ASCC1: variants seen among roughly 807,000 people sequenced by gnomAD.
The protein encoded by ASCC1 is ASC-1 complex subunit P50.
In ASCC1, 35 loss-of-function variants were observed where a neutral mutation model predicts 46.6. The observed-to-expected ratio is 0.75, with a 90% CI of 0.57 to 0.99. The LOEUF (loss-of-function observed/expected upper bound fraction) is 0.99. ASCC1 is among the 50% of genes least tolerant of loss of function. ASCC1 has a pLI of 0.00. For synonymous variants in ASCC1, 143 were observed against 146.6 expected, an observed-to-expected ratio of 0.98 and a Z score of 0.18; for missense variants, 376 against 428.7, an observed-to-expected ratio of 0.88 and a Z score of 1.09.
chr10:72,147,338 C>T (rs1847762441), intron 7 of ASCC1, among the ~76,000 whole-genome samples: 1 of 152,092 alleles, frequency 6.6e-6, no homozygotes, highest in Admixed American at 6.6e-5. Flanking sequence ...ACTGCAACCT[C>T]TGCCTCCAGG....
intron 9 of ASCC1, among the ~76,000 whole-genome samples, chr10:72,100,546 G>GT (rs1416006662): frequency 6.6e-6 from 1 of 151,988 alleles, no homozygotes; most frequent in South Asian, 2.1e-4. Flanking sequence ...TTTATTCTTT[G>GT]TTTTTTTCCT....
intron 4 of ASCC1, among the ~76,000 whole-genome samples, chr10:72,202,158 C>T (rs962830155): frequency 1.3e-5 from 2 of 151,942 alleles, no homozygotes; most frequent in Admixed American, 1.3e-4. Flanking sequence ...GAGGTTGCTG[C>T]ACTCTTTGAC....
chr10:72,137,586 C>T (rs1846411257), intron 7 of ASCC1, among the ~76,000 whole-genome samples: 1 of 147,718 alleles, frequency 6.8e-6, no homozygotes, highest in Admixed American at 6.7e-5. Flanking sequence ...ACTAAAAGCA[C>T]GGAAACCAAT....
At chr10:72,199,219 G>A (rs1478038228) in intron 4 of ASCC1, among the ~76,000 whole-genome samples, 1 of 151,444 alleles carries the variant, frequency 6.6e-6, no homozygotes, top group Non-Finnish European at 1.5e-5. Flanking sequence ...CATCTCCCAG[G>A]TTCAAACAAT....
chr10:72,132,944 G>T lies in ASCC1; in HGVS notation c.871+113C>A, dbSNP rs929261854. On this transcript the variant is annotated intron_variant, in intron 8 of 9. Coordinates refer to ENST00000672957, the MANE Select transcript of ASCC1 (RefSeq NM_001198800.3). Reference sequence around the variant, plus strand: ...TATGCTCATCAGAATAAGCTAAGAGGTCTAAAAAAGAAGCTATATCAGAGA... The same window carrying T: ...TATGCTCATCAGAATAAGCTAAGAGTTCTAAAAAAGAAGCTATATCAGAGA... The T allele has an allele frequency of 3.0e-6, 4 of 1,352,378 alleles. No individual in the cohort carries two copies. In the African/African-American group the frequency reaches 4.3e-5, roughly 15 times the overall value. The allele number at this position is 1,352,378 out of a possible 1,614,324, so 83.8% of individuals were successfully genotyped here.
chr10:72,149,603 CTG>C (rs1263501608), intron 7 of ASCC1, among the ~76,000 whole-genome samples: 1 of 152,114 alleles, frequency 6.6e-6, no homozygotes, highest in Admixed American at 6.5e-5. Context: ...AATTATGAGA[CTG>C]TGAGACCAAA....
At chr10:72,204,455 AAAGTT>A in intron 3 of ASCC1, 1 of 1,550,410 alleles carries the variant, frequency 6.4e-7, no homozygotes, top group Non-Finnish European at 8.7e-7. Context: ...CTGACAATCC[AAAGTT>A]ATCTTCTGGA....
chr10:72,140,897 G>A (rs1201171892), intron 7 of ASCC1, among the ~76,000 whole-genome samples: 1 of 152,076 alleles, frequency 6.6e-6, no homozygotes, highest in East Asian at 1.9e-4. Context: ...TATTTTTAAT[G>A]TCCTCTTTCT....
chr10:72,187,443 G>A (rs567044322), intron 5 of ASCC1, among the ~76,000 whole-genome samples: 13 of 151,814 alleles, frequency 8.6e-5, no homozygotes, highest in African/African-American at 2.4e-4. Flanking sequence ...CTCTTAGGCC[G>A]GGCGCGGTGG....
At chr10:72,144,039 G>A (rs538942656) in intron 7 of ASCC1, among the ~76,000 whole-genome samples, 38 of 149,634 alleles carry the variant, frequency 2.5e-4, no homozygotes, top group Non-Finnish European at 4.4e-4. Flanking sequence ...TTGCCCACAC[G>A]TGATCTTGGC....
intron 5 of ASCC1, among the ~76,000 whole-genome samples, chr10:72,176,438 T>C (rs1388568582): frequency 6.6e-6 from 1 of 152,146 alleles, no homozygotes; most frequent in Non-Finnish European, 1.5e-5. Flanking sequence ...ATCTCTGGAC[T>C]CAAGCAATCC....
chr10:72,196,500 T>C (rs1424591938), intron 5 of ASCC1, among the ~76,000 whole-genome samples: 1 of 152,106 alleles, frequency 6.6e-6, no homozygotes, highest in Non-Finnish European at 1.5e-5. Context: ...CAGGCTGGTC[T>C]TGAACGCCTG....
chr10:72,120,706 T>G (rs1025735260), intron 9 of ASCC1, among the ~76,000 whole-genome samples: 3 of 152,020 alleles, frequency 2.0e-5, no homozygotes, highest in Admixed American at 6.6e-5. Context: ...TTTTCCTATA[T>G]AGAAGCCAAG....
At chr10:72,186,454 G>A (rs1044925908) in intron 5 of ASCC1, among the ~76,000 whole-genome samples, 2 of 152,054 alleles carry the variant, frequency 1.3e-5, no homozygotes, top group African/African-American at 4.8e-5. Context: ...GAGTTTCAGA[G>A]GAGCCAAAAG....
At position 72,152,959 on chromosome 10, in the gene ASCC1, A is replaced by G. The variant is rs1848541967; in HGVS notation, c.656T>C (p.Val219Ala). ...NDISGGKPLEVEMAGIEYMND... is the reference protein window; with the variant it reads ...NDISGGKPLEAEMAGIEYMND... ...CATGTATTCTATCCCTGCCATCTCC[A>G]CTTCTAGGGGTTTACCCCCAGAAAT... Residue 219 changes from valine to alanine, a missense_variant, in exon 7 of 10, where the codon GTG (valine) becomes GCG (alanine). Coordinates refer to ENST00000672957, the MANE Select transcript of ASCC1 (RefSeq NM_001198800.3). The G allele has an allele frequency of 9.9e-6, 16 of 1,614,012 alleles. No homozygotes were observed. Among genetic ancestry groups the G allele is most frequent in the Non-Finnish European group, 1.4e-5 (16 of 1,180,012 alleles).
intron 6 of ASCC1, chr10:72,158,856 T>C (rs1564666984): frequency 1.3e-5 from 2 of 152,196 alleles, no homozygotes; most frequent in Non-Finnish European, 2.9e-5. Context: ...TGCCATTATT[T>C]ATGGACATTT....
At chr10:72,146,214 A>G (rs1191546000) in intron 7 of ASCC1, among the ~76,000 whole-genome samples, 6 of 152,122 alleles carry the variant, frequency 3.9e-5, no homozygotes, top group Non-Finnish European at 8.8e-5. Flanking sequence ...GTGGATCTTA[A>G]TGGCTGCCAT....
chr10:72,109,284 C>G (rs547069552), intron 9 of ASCC1, among the ~76,000 whole-genome samples: 1 of 152,266 alleles, frequency 6.6e-6, no homozygotes, highest in Admixed American at 6.5e-5. Context: ...TGTGATTTTT[C>G]AACCCATCAG....
At chr10:72,190,285 C>G in intron 5 of ASCC1, 1 of 810,712 alleles carries the variant, frequency 1.2e-6, no homozygotes, top group Non-Finnish European at 2.2e-6. Context: ...TTCTGAGAGT[C>G]CTGAATTTAT....
Sources: allele counts gnomAD v4.1 joint callset (sites outside exome capture counted in the v4.1 genomes callset), GRCh38; gene constraint gnomAD v4.1.1; transcripts MANE v1.5; gene names NCBI Gene and HGNC (gene_info 2026-07-23, HGNC 2026-07-21).